The following CDH13 variants were observed in gnomAD, a reference collection of about 807,000 sequenced individuals.
CDH13 encodes cadherin 13, also known as cadherin-13.
Under a neutral mutation model 63.8 loss-of-function variants are expected in CDH13, and 24 were observed. The ratio of observed to expected loss-of-function variants is 0.38; its 90% confidence interval spans 0.27 to 0.53. The LOEUF is 0.53. Ranked by LOEUF, CDH13 falls within the 20% of genes least tolerant of loss-of-function variation. The probability of loss-of-function intolerance (pLI) is 0.85; values close to 1 mark genes in which losing one functional copy is unlikely to be tolerated. For synonymous variants in CDH13, 503 were observed against 355.3 expected (o/e 1.42, Z -4.67); for missense variants, 1,049 against 903.1 (o/e 1.16, Z -2.07).
intron 2 of CDH13, among the ~76,000 whole-genome samples, chr16:83,005,821 G>A (rs569919289): frequency 1.0e-3 from 155 of 152,122 alleles, no homozygotes; most frequent in Non-Finnish European, 2.0e-3. Context: ...ACAATTCCTG[G>A]CAGAGGATTT....
chr16:83,246,839 A>T (rs2194341), intron 5 of CDH13, among the ~76,000 whole-genome samples: 4 of 152,194 alleles, frequency 2.6e-5, no homozygotes, highest in Middle Eastern at 3.4e-3. Flanking sequence ...TTCCTTCTTC[A>T]GTTCTCCTTT....
chr16:82,820,541 G>A (rs2037955258), intron 1 of CDH13, among the ~76,000 whole-genome samples: 1 of 152,170 alleles, frequency 6.6e-6, no homozygotes, highest in Non-Finnish European at 1.5e-5. Flanking sequence ...TTCTGGAACT[G>A]CACTGCAGTT....
chr16:83,204,490 C>A (rs1269651006), intron 4 of CDH13, among the ~76,000 whole-genome samples: 1 of 152,166 alleles, frequency 6.6e-6, no homozygotes, highest in African/African-American at 2.4e-5. Context: ...TAAGCATTTC[C>A]TATGTCTCAG....
intron 8 of CDH13, among the ~76,000 whole-genome samples, chr16:83,630,916 T>C (rs6563956): frequency 0.74 from 113,127 of 152,030 alleles, 42,196 homozygotes; most frequent in Middle Eastern, 0.88. Flanking sequence ...GCTTAGTAAT[T>C]GGGGGTCCCA....
At chr16:83,371,258 A>G (rs1192674938) in intron 6 of CDH13, among the ~76,000 whole-genome samples, 1 of 152,122 alleles carries the variant, frequency 6.6e-6, no homozygotes, top group African/African-American at 2.4e-5. Flanking sequence ...TGACTGCCCC[A>G]TGGCCTTTCT....
chr16:83,546,216 G>C (rs1415439624), intron 7 of CDH13, among the ~76,000 whole-genome samples: 1 of 150,824 alleles, frequency 6.6e-6, no homozygotes, highest in African/African-American at 2.4e-5. Flanking sequence ...CGTCTTGGTA[G>C]ATACCTCACC....
At chr16:83,039,371 C>T (rs968332350) in intron 3 of CDH13, among the ~76,000 whole-genome samples, 1 of 152,202 alleles carries the variant, frequency 6.6e-6, no homozygotes, top group Admixed American at 6.5e-5. Flanking sequence ...CTCTAAGTGG[C>T]TTGACCTGCG....
intron 1 of CDH13, among the ~76,000 whole-genome samples, chr16:82,690,031 G>C (rs1367680955): frequency 3.2e-5 from 4 of 124,568 alleles, no homozygotes; most frequent in Non-Finnish European, 6.5e-5. Context: ...AGCCAGGCAT[G>C]GTGTTGCATG....
At chr16:83,191,980 A>ATAT (rs2038730976) in intron 4 of CDH13, among the ~76,000 whole-genome samples, 1 of 152,102 alleles carries the variant, frequency 6.6e-6, no homozygotes, top group Non-Finnish European at 1.5e-5. Flanking sequence ...TGATAAAAAG[A>ATAT]GAGAGCAAAA....
intron 10 of CDH13, among the ~76,000 whole-genome samples, chr16:83,686,567 C>G (rs924193235): frequency 6.6e-6 from 1 of 152,158 alleles, no homozygotes; most frequent in African/African-American, 2.4e-5. Flanking sequence ...TTTACATTTG[C>G]AAACTATTTG....
chr16:82,943,319 A>T (rs1211518534), intron 2 of CDH13, among the ~76,000 whole-genome samples: 2 of 152,184 alleles, frequency 1.3e-5, no homozygotes, highest in East Asian at 3.8e-4. Context: ...TAGTATTGCT[A>T]GATCAGTTCT....
intron 3 of CDH13, among the ~76,000 whole-genome samples, chr16:83,035,917 C>T (rs559139326): frequency 3.9e-5 from 6 of 152,262 alleles, no homozygotes; most frequent in Admixed American, 6.5e-5. Context: ...CTGATGCTTA[C>T]GTAATACTTA....
intron 1 of CDH13, among the ~76,000 whole-genome samples, chr16:82,783,691 GC>G (rs1323906856): frequency 1.3e-5 from 2 of 152,202 alleles, no homozygotes; most frequent in African/African-American, 4.8e-5. Flanking sequence ...GGACTTCTCG[GC>G]TACATATGTA....
intron 2 of CDH13, among the ~76,000 whole-genome samples, chr16:82,929,567 G>A (rs925861501): frequency 6.9e-6 from 1 of 144,604 alleles, no homozygotes; most frequent in African/African-American, 2.6e-5. Flanking sequence ...CAGGAGAATG[G>A]CATGAACTCG....
chr16:83,205,187 C>G (rs1040928104), intron 4 of CDH13, among the ~76,000 whole-genome samples: 1 of 152,172 alleles, frequency 6.6e-6, no homozygotes, highest in African/African-American at 2.4e-5. Flanking sequence ...CAACCAAAGG[C>G]AAAGCCAAGG....
At chr16:83,249,144 G>T (rs1267649025) in intron 5 of CDH13, among the ~76,000 whole-genome samples, 1 of 152,204 alleles carries the variant, frequency 6.6e-6, no homozygotes, top group Non-Finnish European at 1.5e-5. Context: ...CTCCCTGAGT[G>T]AGTCCCTTTT....
At chr16:83,598,472 A>G (rs888231502) in intron 7 of CDH13, among the ~76,000 whole-genome samples, 11 of 152,378 alleles carry the variant, frequency 7.2e-5, no homozygotes, top group South Asian at 6.2e-4. Flanking sequence ...TATTCATAAA[A>G]TGATAGGAAT....
intron 6 of CDH13, among the ~76,000 whole-genome samples, chr16:83,441,562 T>C (rs2151495768): frequency 6.6e-6 from 1 of 152,340 alleles, no homozygotes; most frequent in East Asian, 1.9e-4. Flanking sequence ...GGAAAGTTTC[T>C]TTACAACATT....
intron 2 of CDH13, among the ~76,000 whole-genome samples, chr16:82,887,518 T>C (rs981194385): frequency 2.0e-5 from 3 of 151,944 alleles, no homozygotes; most frequent in African/African-American, 4.8e-5. Context: ...GTAGGTGACA[T>C]GTGGGGAGAG....
Sources: allele counts gnomAD v4.1 joint callset (sites outside exome capture counted in the v4.1 genomes callset), GRCh38; gene constraint gnomAD v4.1.1; transcripts MANE v1.5; gene names NCBI Gene and HGNC (gene_info 2026-07-23, HGNC 2026-07-21).